TMTC2: variants seen among roughly 807,000 people sequenced by gnomAD.
TMTC2 encodes transmembrane O-mannosyltransferase targeting cadherins 2.
Under a neutral mutation model 82.4 loss-of-function variants are expected in TMTC2, and 43 were observed. That is an observed-to-expected ratio of 0.52 (90% CI 0.41 to 0.67). The LOEUF (loss-of-function observed/expected upper bound fraction) is 0.67. Ranked by LOEUF, TMTC2 falls within the 30% of genes least tolerant of loss-of-function variation. The pLI is 0.00. For synonymous variants in TMTC2, 408 were observed against 381.9 expected, an observed-to-expected ratio of 1.07 and a Z score of -0.80; for missense variants, 919 against 1,012.4, an observed-to-expected ratio of 0.91 and a Z score of 1.25.
intron 1 of TMTC2, among the ~76,000 whole-genome samples, chr12:82,809,083 AATTTATATATT>A (rs1190856372): frequency 6.7e-6 from 1 of 148,872 alleles, no homozygotes; most frequent in East Asian, 1.9e-4. Flanking sequence ...TTATTTATAT[AATTTATATATT>A]ATTTATATAT....
chr12:82,893,385 G>A (rs28479188), intron 2 of TMTC2, among the ~76,000 whole-genome samples: 20 of 127,816 alleles, frequency 1.6e-4, no homozygotes, highest in Admixed American at 1.5e-4. Context: ...AAAAAAAAAA[G>A]AAAAGAAAAG....
rs183617729 is a variant in TMTC2, at chr12:82,851,916, G to A, written c.84-5094G>A. ...AAGGTCACGAGACAAAAAAAAAAAA[G>A]CTGTGAGAGAAAGACACACAAGGAC... is the stretch of plus-strand genomic sequence containing the variant. On this transcript the variant is annotated intron_variant, in intron 1 of 11. Coordinates refer to ENST00000321196, the MANE Select transcript of TMTC2 (RefSeq NM_152588.3). Among the ~76,000 whole-genome samples the A allele has an allele frequency of 3.1e-3, 462 of 149,882 alleles. 4 individuals carry two copies. Among genetic ancestry groups the A allele is most frequent in the African/African-American group, 0.011 (442 of 40,782 alleles).
At chr12:82,919,247 G>A (rs115988834) in intron 3 of TMTC2, among the ~76,000 whole-genome samples, 1 of 152,300 alleles carries the variant, frequency 6.6e-6, no homozygotes, top group African/African-American at 2.4e-5. Flanking sequence ...TCACTCTAGT[G>A]AAAACTGACC....
At chr12:82,893,143 A>G (rs1191768271) in intron 2 of TMTC2, among the ~76,000 whole-genome samples, 2 of 152,066 alleles carry the variant, frequency 1.3e-5, no homozygotes, top group African/African-American at 4.8e-5. Flanking sequence ...AGGCTGAGGC[A>G]GGTGGATCAC....
chr12:83,001,103 G>T lies in TMTC2; in HGVS notation c.2070+15057G>T, dbSNP rs1458607480. On this transcript the variant is annotated intron_variant, in intron 8 of 11. Transcript: ENST00000321196. ...CTGTGACGGGAGGGGCTGCCACAAA[G>T]GTCTCTGACACGCCCTGAAGACATT... 2.0e-5 allele frequency among the ~76,000 whole-genome samples: 3 copies of T among 152,172 alleles called. No individual in the cohort carries two copies. In the South Asian group the frequency reaches 6.2e-4, roughly 32 times the overall value.
intron 1 of TMTC2, among the ~76,000 whole-genome samples, chr12:82,701,539 G>A (rs1343367973): frequency 6.6e-6 from 1 of 150,376 alleles, no homozygotes; most frequent in South Asian, 2.1e-4. Context: ...ATCACCTGAG[G>A]TTGGGAGTTT....
intron 11 of TMTC2, among the ~76,000 whole-genome samples, chr12:83,078,046 C>T (rs926935942): frequency 2.6e-5 from 4 of 152,052 alleles, no homozygotes; most frequent in African/African-American, 9.7e-5. Flanking sequence ...TAGGAGAATT[C>T]TTGCTGAACT....
chr12:83,114,601 T>C (rs144672805), intron 11 of TMTC2, among the ~76,000 whole-genome samples: 3 of 152,214 alleles, frequency 2.0e-5, no homozygotes, highest in African/African-American at 7.2e-5. Context: ...ATAAATCCTA[T>C]TTAGGAAAAG....
intron 9 of TMTC2, among the ~76,000 whole-genome samples, chr12:83,033,787 A>AAGAT (rs1436734235): frequency 6.9e-6 from 1 of 144,312 alleles, no homozygotes; most frequent in African/African-American, 2.5e-5. Context: ...AAACCATATA[A>AAGAT]ATATATATAT....
At chr12:83,079,989 T>C (rs544195091) in intron 11 of TMTC2, among the ~76,000 whole-genome samples, 115 of 152,310 alleles carry the variant, frequency 7.6e-4, no homozygotes, top group African/African-American at 2.7e-3. Context: ...GAAGATTCTG[T>C]ACTTTAATTA....
intron 9 of TMTC2, among the ~76,000 whole-genome samples, chr12:83,036,355 G>A (rs425204): frequency 6.6e-6 from 1 of 151,814 alleles, no homozygotes; most frequent in African/African-American, 2.4e-5. Context: ...GAAAAGTATA[G>A]ATTTTTTAAA....
At chr12:83,093,274 T>C (rs1040248979) in intron 11 of TMTC2, among the ~76,000 whole-genome samples, 1 of 152,140 alleles carries the variant, frequency 6.6e-6, no homozygotes, top group Non-Finnish European at 1.5e-5. Flanking sequence ...GTCTATAAAG[T>C]AGTATTTAAA....
At chr12:82,713,046 G>A (rs1873706767) in intron 1 of TMTC2, among the ~76,000 whole-genome samples, 1 of 152,128 alleles carries the variant, frequency 6.6e-6, no homozygotes, top group Non-Finnish European at 1.5e-5. Flanking sequence ...GAGGCCAGGC[G>A]CAGTGGCTCA....
chr12:82,726,361 ATAATGAGATGG>A (rs1447433042), intron 1 of TMTC2, among the ~76,000 whole-genome samples: 1 of 152,196 alleles, frequency 6.6e-6, no homozygotes, highest in African/African-American at 2.4e-5. Flanking sequence ...CTACCAGATG[ATAATGAGATGG>A]TAATGACACT....
rs1272040052 is a variant in TMTC2, at chr12:82,857,412, A to G, written c.486A>G (p.Arg162=). The G allele has an allele frequency of 6.2e-7, 1 of 1,614,188 alleles. No individual in the cohort carries two copies. ...LLCYIKHCST[R]GYSARTWGWF... ...GCTACATTAAACACTGTTCTACAAG[A>G]GGCTACTCAGCCAGAACCTGGGGCT... is the stretch of plus-strand genomic sequence containing the variant. Residue 162 remains arginine (R), a synonymous_variant, in exon 2 of 12, where the codon AGA becomes AGG. Coordinates refer to ENST00000321196, the MANE Select transcript of TMTC2 (RefSeq NM_152588.3).
At chr12:83,060,457 T>G (rs1299484985) in intron 10 of TMTC2, among the ~76,000 whole-genome samples, 2 of 151,744 alleles carry the variant, frequency 1.3e-5, no homozygotes, top group African/African-American at 2.4e-5. Flanking sequence ...AAAGTTAATT[T>G]TTGTGTTCTC....
intron 1 of TMTC2, among the ~76,000 whole-genome samples, chr12:82,841,240 G>A (rs549327919): frequency 3.9e-5 from 6 of 152,294 alleles, no homozygotes; most frequent in East Asian, 1.9e-4. Flanking sequence ...AGAATAAAAC[G>A]TGTTAGAGCT....
At chr12:82,779,266 G>A (rs1352295630) in intron 1 of TMTC2, among the ~76,000 whole-genome samples, 1 of 152,038 alleles carries the variant, frequency 6.6e-6, no homozygotes, top group Non-Finnish European at 1.5e-5. Context: ...AAGTTGGTGA[G>A]GGCAGAGGCT....
intron 1 of TMTC2, among the ~76,000 whole-genome samples, chr12:82,799,078 T>G (rs1212080470): frequency 6.6e-6 from 1 of 152,208 alleles, no homozygotes; most frequent in Admixed American, 6.5e-5. Flanking sequence ...ATTCTTGCTA[T>G]AAAATATTTT....
Sources: gnomAD v4.1 joint callset for allele counts (sites outside exome capture counted in the v4.1 genomes callset) on GRCh38, gnomAD v4.1.1 for gene constraint, MANE v1.5 for transcripts, NCBI Gene and HGNC (gene_info 2026-07-23, HGNC 2026-07-21) for gene names.